Variants in MYO16 observed in about 807,000 individuals in gnomAD.
The protein encoded by MYO16 is unconventional myosin-XVI.
A neutral mutation model predicts 205.3 loss-of-function variants in MYO16; 94 were observed. The ratio of observed to expected loss-of-function variants is 0.46; its 90% CI spans 0.39 to 0.54. MYO16 has a LOEUF of 0.54. MYO16 is among the 20% of genes least tolerant of loss of function. The pLI is 0.00. For synonymous variants in MYO16, 988 were observed against 954.0 expected (o/e 1.04, Z -0.66); for missense variants, 2,315 against 2,387.5 (o/e 0.97, Z 0.63).
chr13:108,767,174 C>T (rs1885805860), intron 4 of MYO16, among the ~76,000 whole-genome samples: 1 of 152,090 alleles, frequency 6.6e-6, no homozygotes, highest in Admixed American at 6.5e-5. Context: ...GCGATCTCGG[C>T]TCACTGCAAG....
chr13:108,860,476 T>G (rs557783691), intron 11 of MYO16, among the ~76,000 whole-genome samples: 1 of 152,330 alleles, frequency 6.6e-6, no homozygotes, highest in African/African-American at 2.4e-5. Context: ...AACATTCGTG[T>G]GCATGTATGT....
chr13:108,497,957 G>T, the MYO16 span, among the ~76,000 whole-genome samples: 2 of 152,184 alleles, frequency 1.3e-5, no homozygotes, highest in African/African-American at 4.8e-5. Flanking sequence ...AATAAAATCT[G>T]TTGGGTGAAG....
intron 4 of MYO16, among the ~76,000 whole-genome samples, chr13:108,729,366 C>G (rs1370607976): frequency 1.3e-5 from 2 of 152,128 alleles, no homozygotes; most frequent in African/African-American, 4.8e-5. Flanking sequence ...GAGCACGCAG[C>G]TGGGTCATTT....
At chr13:109,174,125 A>G (rs1879056151) in intron 33 of MYO16, among the ~76,000 whole-genome samples, 1 of 152,088 alleles carries the variant, frequency 6.6e-6, no homozygotes, top group South Asian at 2.1e-4. Flanking sequence ...GTAGGAGTCA[A>G]GAAGAGGAAG....
chr13:108,902,708 G>T (rs905829273), intron 15 of MYO16, among the ~76,000 whole-genome samples: 1 of 152,052 alleles, frequency 6.6e-6, no homozygotes, highest in Non-Finnish European at 1.5e-5. Context: ...ATTGACTCAT[G>T]ACCTTCTCCC....
chr13:108,698,865 C>T (rs1035823564), intron 2 of MYO16, among the ~76,000 whole-genome samples: 1 of 152,106 alleles, frequency 6.6e-6, no homozygotes, highest in Non-Finnish European at 1.5e-5. Context: ...TTATATGGTA[C>T]CTTATTTCTC....
At chr13:109,152,237 G>A (rs939657634) in intron 32 of MYO16, among the ~76,000 whole-genome samples, 11 of 152,168 alleles carry the variant, frequency 7.2e-5, no homozygotes, top group African/African-American at 2.2e-4. Context: ...ATTGCCTTTC[G>A]AGTAACTATT....
chr13:108,599,062 A>G (rs562883509), intron 1 of MYO16, among the ~76,000 whole-genome samples: 7 of 144,728 alleles, frequency 4.8e-5, no homozygotes, highest in Non-Finnish European at 1.0e-4. Flanking sequence ...TCATTGTTCA[A>G]TTCCAATCTA....
chr13:109,157,974 A>G (rs1478719839), intron 32 of MYO16, among the ~76,000 whole-genome samples: 3 of 152,092 alleles, frequency 2.0e-5, no homozygotes, highest in Non-Finnish European at 4.4e-5. Flanking sequence ...ATATTTCTTT[A>G]AGTTCTAAAG....
chr13:108,833,870 G>A (rs1876754260), intron 9 of MYO16, among the ~76,000 whole-genome samples: 1 of 151,854 alleles, frequency 6.6e-6, no homozygotes, highest in Admixed American at 6.6e-5. Flanking sequence ...AGCTACCCTT[G>A]GATGGTACTG....
intron 1 of MYO16, among the ~76,000 whole-genome samples, chr13:108,644,404 C>A (rs969605731): frequency 6.8e-6 from 1 of 147,630 alleles, no homozygotes; most frequent in Admixed American, 6.8e-5. Context: ...ATCTATCTAT[C>A]TATCTATCTA....
intron 16 of MYO16, among the ~76,000 whole-genome samples, chr13:108,929,235 G>A (rs1882145011): frequency 6.6e-6 from 1 of 152,092 alleles, no homozygotes; most frequent in Non-Finnish European, 1.5e-5. Context: ...ATACAAAATT[G>A]TTTAAACCAT....
chr13:108,751,254 G>T (rs865783669), intron 4 of MYO16, among the ~76,000 whole-genome samples: 2 of 152,040 alleles, frequency 1.3e-5, no homozygotes, highest in African/African-American at 4.8e-5. Flanking sequence ...GGTCTTGCAT[G>T]AAATTTACAA....
At chr13:108,670,973 A>G (rs1003293930) in intron 2 of MYO16, among the ~76,000 whole-genome samples, 2 of 152,224 alleles carry the variant, frequency 1.3e-5, no homozygotes, top group African/African-American at 4.8e-5. Flanking sequence ...TGTATTATGT[A>G]TAGCAGTTTG....
At chr13:108,699,547 T>C (rs953996612) in intron 2 of MYO16, among the ~76,000 whole-genome samples, 5 of 152,162 alleles carry the variant, frequency 3.3e-5, no homozygotes, top group Non-Finnish European at 5.9e-5. Context: ...ATCCTGGATT[T>C]ACTACTTCTA....
chr13:109,095,994 T>A (rs1888764680), intron 27 of MYO16, among the ~76,000 whole-genome samples: 1 of 152,226 alleles, frequency 6.6e-6, no homozygotes, highest in Non-Finnish European at 1.5e-5. Flanking sequence ...TCATCAAAAC[T>A]GTAGCAACGG....
At chr13:109,086,107 C>A (rs1348900539) in intron 27 of MYO16, among the ~76,000 whole-genome samples, 2 of 151,874 alleles carry the variant, frequency 1.3e-5, no homozygotes, top group East Asian at 1.9e-4. Flanking sequence ...CCAAGATAGA[C>A]ATCATTTGTG....
chr13:108,580,234 G>C, the MYO16 span, among the ~76,000 whole-genome samples: 1 of 152,162 alleles, frequency 6.6e-6, no homozygotes. Flanking sequence ...CTACAGATTA[G>C]AGGTCCAGTG....
intron 27 of MYO16, among the ~76,000 whole-genome samples, chr13:109,058,894 C>G (rs1887499564): frequency 6.6e-6 from 1 of 152,180 alleles, no homozygotes; most frequent in Admixed American, 6.5e-5. Flanking sequence ...TATGGAATTT[C>G]TAAATCCTTT....
Sources: allele counts gnomAD v4.1 joint callset (sites outside exome capture counted in the v4.1 genomes callset), GRCh38; gene constraint gnomAD v4.1.1; transcripts MANE v1.5; gene names NCBI Gene and HGNC (gene_info 2026-07-23, HGNC 2026-07-21).